The following PCCA variants were observed in gnomAD, a reference collection of about 807,000 sequenced individuals.
PCCA encodes the protein propionyl-CoA carboxylase alpha chain, mitochondrial.
Under a neutral mutation model 101.3 loss-of-function variants are expected in PCCA, and 74 were observed. The ratio of observed to expected loss-of-function variants is 0.73; its 90% CI spans 0.61 to 0.89. The LOEUF is 0.89. Among genes scored for constraint, PCCA ranks in the 40% least tolerant of loss-of-function variants. The pLI, the probability that PCCA is intolerant of heterozygous loss-of-function variation, is 0.00. For synonymous variants in PCCA, 294 were observed against 313.6 expected (o/e 0.94, Z 0.66); for missense variants, 891 against 907.0 (o/e 0.98, Z 0.23).
intron 16 of PCCA, among the ~76,000 whole-genome samples, chr13:100,314,988 T>C (rs2067216628): frequency 6.6e-6 from 1 of 152,318 alleles, no homozygotes; most frequent in East Asian, 1.9e-4. Flanking sequence ...ACTGTGATTA[T>C]AGAAGAGATA....
intron 4 of PCCA, among the ~76,000 whole-genome samples, chr13:100,148,566 C>T (rs1170868584): frequency 6.6e-6 from 1 of 152,096 alleles, no homozygotes; most frequent in Non-Finnish European, 1.5e-5. Flanking sequence ...TCCCCTTCTC[C>T]CTTGATGCTT....
At chr13:100,461,944 G>T (rs1053126063) in intron 21 of PCCA, among the ~76,000 whole-genome samples, 1 of 152,150 alleles carries the variant, frequency 6.6e-6, no homozygotes, top group South Asian at 2.1e-4. Flanking sequence ...CTTCCTCCCT[G>T]CTCGGTCACA....
At chr13:100,156,860 A>C (rs1325324080) in intron 5 of PCCA, among the ~76,000 whole-genome samples, 2 of 152,198 alleles carry the variant, frequency 1.3e-5, no homozygotes, top group Non-Finnish European at 2.9e-5. Context: ...TTTTTCATCC[A>C]TCTTTGCCAA....
chr13:100,124,925 C>T (rs1403999957), intron 4 of PCCA, among the ~76,000 whole-genome samples: 1 of 152,106 alleles, frequency 6.6e-6, no homozygotes, highest in African/African-American at 2.4e-5. Flanking sequence ...TTCTCCTTTA[C>T]ATGATTTCAG....
intron 21 of PCCA, among the ~76,000 whole-genome samples, chr13:100,514,321 G>A (rs2086682467): frequency 6.6e-6 from 1 of 152,160 alleles, no homozygotes; most frequent in Non-Finnish European, 1.5e-5. Flanking sequence ...CCTGTGAAGA[G>A]GCACTTAGAG....
intron 6 of PCCA, among the ~76,000 whole-genome samples, chr13:100,185,375 A>T (rs1486643308): frequency 6.7e-6 from 1 of 150,248 alleles, no homozygotes; most frequent in Non-Finnish European, 1.5e-5. Flanking sequence ...TTCTTTTGAC[A>T]GTTTTGCTCT....
intron 20 of PCCA, among the ~76,000 whole-genome samples, chr13:100,442,036 C>G (rs2080413022): frequency 6.8e-6 from 1 of 146,910 alleles, no homozygotes; most frequent in South Asian, 2.1e-4. Context: ...CTCTGTCACT[C>G]AGGCTGTAGT....
rs143435681 is a variant in PCCA at position 100,450,597 on chromosome 13, A to G, written c.1899+1292A>G. ...GGAGTTTATTAAGAATATCAGAGGT[A>G]TTCTGCAAGAATATCAAGAGGTATT... On this transcript the variant is annotated intron_variant, in intron 21 of 23. Coordinates refer to ENST00000376285, the MANE Select transcript of PCCA (RefSeq NM_000282.4). Among the ~76,000 whole-genome samples the G allele has an allele frequency of 7.4e-3, 1,125 of 152,268 alleles. 18 individuals carry two copies. The highest frequency in any genetic ancestry group is 0.026 in the African/African-American group (1,093 of 41,530).
chr13:100,269,115 T>C (rs1182406681), intron 11 of PCCA, among the ~76,000 whole-genome samples: 1 of 152,238 alleles, frequency 6.6e-6, no homozygotes, highest in African/African-American at 2.4e-5. Context: ...CCCGAAGTGC[T>C]GGGATTATAG....
At chr13:100,336,980 A>G (rs1443980596) in intron 17 of PCCA, among the ~76,000 whole-genome samples, 6 of 152,028 alleles carry the variant, frequency 3.9e-5, no homozygotes, top group Non-Finnish European at 8.8e-5. Context: ...TGTATTCCAC[A>G]TGCACCCAGC....
chr13:100,222,979 C>T (rs1430515424), intron 7 of PCCA, among the ~76,000 whole-genome samples: 4 of 152,188 alleles, frequency 2.6e-5, no homozygotes, highest in African/African-American at 9.7e-5. Flanking sequence ...TTGAATCATC[C>T]TTTTCCTTAG....
chr13:100,167,048 T>G (rs1232378763), intron 6 of PCCA, among the ~76,000 whole-genome samples: 1 of 152,192 alleles, frequency 6.6e-6, no homozygotes, highest in Non-Finnish European at 1.5e-5. Flanking sequence ...ATTTTTAAAT[T>G]GAGTTGCTTG....
At chr13:100,462,669 T>G (rs1409923773) in intron 21 of PCCA, among the ~76,000 whole-genome samples, 1 of 152,196 alleles carries the variant, frequency 6.6e-6, no homozygotes, top group Non-Finnish European at 1.5e-5. Context: ...AGAACTGTAT[T>G]TCATATCTTA....
chr13:100,367,600 G>A (rs1168341813), intron 18 of PCCA, among the ~76,000 whole-genome samples: 1 of 148,640 alleles, frequency 6.7e-6, no homozygotes. Flanking sequence ...TAAATTTCGT[G>A]AATTTTTAGT....
chr13:100,271,661 A>G (rs2063326763), intron 11 of PCCA, among the ~76,000 whole-genome samples: 1 of 152,248 alleles, frequency 6.6e-6, no homozygotes, highest in Non-Finnish European at 1.5e-5. Flanking sequence ...AATCAGCTGT[A>G]TAAAGATATT....
chr13:100,513,818 A>G (rs1483690384), intron 21 of PCCA, among the ~76,000 whole-genome samples: 4 of 152,252 alleles, frequency 2.6e-5, no homozygotes, highest in African/African-American at 9.6e-5. Context: ...GGCGCAGCTC[A>G]GGGCGATACC....
At chr13:100,131,124 A>C (rs1367393106) in intron 4 of PCCA, among the ~76,000 whole-genome samples, 1 of 152,128 alleles carries the variant, frequency 6.6e-6, no homozygotes, top group Non-Finnish European at 1.5e-5. Flanking sequence ...TGTTGCTCTA[A>C]AGAGAAAAAA....
At chr13:100,372,408 G>C (rs1307039008) in intron 19 of PCCA, among the ~76,000 whole-genome samples, 1 of 152,046 alleles carries the variant, frequency 6.6e-6, no homozygotes, top group African/African-American at 2.4e-5. Flanking sequence ...TAGGGGAAAA[G>C]CTTCAAGGTA....
At chr13:100,464,738 C>T (rs899453766) in intron 21 of PCCA, among the ~76,000 whole-genome samples, 2 of 152,192 alleles carry the variant, frequency 1.3e-5, no homozygotes, top group Non-Finnish European at 2.9e-5. Context: ...TGCTTAAAAA[C>T]ATCTGTTTCC....
Sources: allele counts gnomAD v4.1 joint callset (sites outside exome capture counted in the v4.1 genomes callset), GRCh38; gene constraint gnomAD v4.1.1; transcripts MANE v1.5; gene names NCBI Gene and HGNC (gene_info 2026-07-23, HGNC 2026-07-21).